The following GAB2 variants were observed in gnomAD, a reference collection of about 807,000 sequenced individuals.
The protein encoded by GAB2 is GRB2 associated binding protein 2.
A neutral mutation model predicts 65.5 loss-of-function variants in GAB2; 26 were observed. That is an observed-to-expected ratio of 0.40 (90% CI 0.29 to 0.55). The LOEUF is 0.55. GAB2 is among the 20% of genes least tolerant of loss of function. GAB2 has a pLI of 0.53. For missense variants in GAB2, 884 were observed against 875.8 expected, an observed-to-expected ratio of 1.01 and a Z score of -0.12; for synonymous variants, 321 against 329.6, an observed-to-expected ratio of 0.97 and a Z score of 0.28.
chr11:78,350,846 C>T (rs1479530913), intron 1 of GAB2, among the ~76,000 whole-genome samples: 1 of 152,212 alleles, frequency 6.6e-6, no homozygotes, highest in Non-Finnish European at 1.5e-5. Context: ...CCAAACTATG[C>T]TCTGCCAAGT....
chr11:78,390,249 C>T (rs1300376854), intron 1 of GAB2, among the ~76,000 whole-genome samples: 1 of 152,120 alleles, frequency 6.6e-6, no homozygotes. Context: ...TGCTTTATAG[C>T]CCACACCAGC....
At chr11:78,227,889 A>G (rs559323574) in intron 3 of GAB2, among the ~76,000 whole-genome samples, 1 of 152,328 alleles carries the variant, frequency 6.6e-6, no homozygotes, top group South Asian at 2.1e-4. Context: ...TGGTTGGTTA[A>G]GAGGCATTTT....
chr11:78,330,824 C>T (rs2134676673), intron 1 of GAB2, among the ~76,000 whole-genome samples: 1 of 151,692 alleles, frequency 6.6e-6, no homozygotes, highest in Middle Eastern at 3.4e-3. Context: ...TGTGGAACAC[C>T]CTATGAAGTA....
chr11:78,227,646 A>AAAAAAAAAAAAAAAAC (rs1565115728), intron 3 of GAB2, among the ~76,000 whole-genome samples: 1 of 151,494 alleles, frequency 6.6e-6, no homozygotes, highest in Admixed American at 6.6e-5. Context: ...AAAAAAAAAA[A>AAAAAAAAAAAAAAAAC]AGAACTAGCT....
intron 1 of GAB2, among the ~76,000 whole-genome samples, chr11:78,333,125 C>A (rs988103616): frequency 2.0e-5 from 3 of 152,148 alleles, no homozygotes; most frequent in Admixed American, 6.5e-5. Flanking sequence ...CAGTGCTTTA[C>A]AGTCTTCACC....
intron 3 of GAB2, among the ~76,000 whole-genome samples, chr11:78,244,663 T>A (rs1258710664): frequency 7.1e-4 from 53 of 74,758 alleles, no homozygotes; most frequent in African/African-American, 8.0e-4. Context: ...ACATTCATAG[T>A]AAAAAAAAAA....
chr11:78,261,325 C>A (rs1865725437), intron 2 of GAB2, among the ~76,000 whole-genome samples: 1 of 152,124 alleles, frequency 6.6e-6, no homozygotes. Context: ...AGAACCAGAA[C>A]AAGGCGATCT....
Position 78,250,278 on chromosome 11 carries a change from G to A in GAB2, c.499C>T (p.Pro167Ser), listed in dbSNP as rs1209376093. The A allele has an allele frequency of 6.2e-7, 1 of 1,613,704 alleles. No individual in the cohort carries two copies. The change falls in exon 3 of 10, where the codon CCA (proline) becomes TCA (serine). Residue 167 changes from proline to serine, a missense_variant. Physicochemically the swap from Pro to Ser is moderately conservative, Grantham distance 74. Transcript: ENST00000361507. ...KSSAPSHSSQ[P>S]TLFTFEPPVS... ...GGGGGTTCAAACGTGAACAGAGTTG[G>A]CTGGCTGGAGTGTGATGGGGCTGAG...
chr11:78,285,279 C>A (rs1442197405), intron 1 of GAB2, among the ~76,000 whole-genome samples: 1 of 152,190 alleles, frequency 6.6e-6, no homozygotes, highest in East Asian at 1.9e-4. Context: ...CACAGACACC[C>A]TCATGAACAA....
chr11:78,396,805 C>G (rs1001003367), intron 1 of GAB2, among the ~76,000 whole-genome samples: 22 of 152,162 alleles, frequency 1.4e-4, no homozygotes, highest in African/African-American at 5.3e-4. Context: ...CTGTGTTGGT[C>G]AGGCTGCTCT....
intron 1 of GAB2, among the ~76,000 whole-genome samples, chr11:78,317,558 CAAAAAAAAA>C (rs370515492): frequency 1.6e-5 from 1 of 60,806 alleles, no homozygotes; most frequent in African/African-American, 6.2e-5. Context: ...GACTCCGTCT[CAAAAAAAAA>C]AAAAAAAAAA....
chr11:78,327,550 G>A (rs1855845587), intron 1 of GAB2, among the ~76,000 whole-genome samples: 1 of 152,130 alleles, frequency 6.6e-6, no homozygotes, highest in Admixed American at 6.5e-5. Flanking sequence ...CAATATTCAT[G>A]AAGTGTTTGG....
chr11:78,413,468 A>T (rs1857154769), intron 1 of GAB2, among the ~76,000 whole-genome samples: 2 of 152,200 alleles, frequency 1.3e-5, no homozygotes, highest in Admixed American at 6.5e-5. Flanking sequence ...AGATTAATTA[A>T]AATGAGGAGT....
intron 1 of GAB2, 142 bp from the exon 2 acceptor site, chr11:78,281,043 TC>T: frequency 1.5e-6 from 1 of 676,936 alleles, no homozygotes; most frequent in Non-Finnish European, 2.5e-6. Context: ...AATCTTGAAC[TC>T]CTGGGCTCAA....
At chr11:78,270,252 G>A (rs886100038) in intron 2 of GAB2, among the ~76,000 whole-genome samples, 4 of 151,912 alleles carry the variant, frequency 2.6e-5, no homozygotes, top group African/African-American at 4.8e-5. Context: ...GCCTGAACCC[G>A]GGAGGTGGAG....
intron 2 of GAB2, among the ~76,000 whole-genome samples, chr11:78,272,722 A>G (rs1866048175): frequency 6.6e-6 from 1 of 152,244 alleles, no homozygotes; most frequent in Admixed American, 6.5e-5. Context: ...GAGGAGACGA[A>G]TGTTAATCCC....
intron 2 of GAB2, among the ~76,000 whole-genome samples, chr11:78,276,471 G>GTTA (rs1286042021): frequency 3.9e-5 from 6 of 152,184 alleles, no homozygotes; most frequent in African/African-American, 1.4e-4. Flanking sequence ...CCTTAGGGAG[G>GTTA]CCTAAGCTGG....
chr11:78,351,350 C>T (rs1006848950), intron 1 of GAB2, among the ~76,000 whole-genome samples: 3 of 151,916 alleles, frequency 2.0e-5, no homozygotes, highest in South Asian at 4.2e-4. Flanking sequence ...CTCTAGGGGG[C>T]AGGGGATGCA....
intron 1 of GAB2, among the ~76,000 whole-genome samples, chr11:78,316,428 T>C (rs141625511): frequency 9.9e-4 from 151 of 152,248 alleles, no homozygotes; most frequent in Non-Finnish European, 1.7e-3. Flanking sequence ...AACTAGAATA[T>C]ATAAAGAACT....
Sources: gnomAD v4.1 joint callset for allele counts (sites outside exome capture counted in the v4.1 genomes callset) on GRCh38, gnomAD v4.1.1 for gene constraint, MANE v1.5 for transcripts, NCBI Gene and HGNC (gene_info 2026-07-23, HGNC 2026-07-21) for gene names.